C12orf42: variants seen among roughly 807,000 people sequenced by gnomAD.
The protein encoded by C12orf42 is chromosome 12 open reading frame 42.
Under a neutral mutation model 21.6 loss-of-function variants are expected in C12orf42, and 25 were observed. The ratio of observed to expected loss-of-function variants is 1.16; its 90% CI spans 0.84 to 1.62. The LOEUF (loss-of-function observed/expected upper bound fraction) is 1.62, where lower values mean the gene tolerates loss of function less well. Ranked by LOEUF, C12orf42 falls within the 40% of genes most tolerant of loss-of-function variation. C12orf42 has a pLI of 0.00. For missense variants in C12orf42, 483 were observed against 459.3 expected, an observed-to-expected ratio of 1.05 and a Z score of -0.47; for synonymous variants, 174 against 175.0, an observed-to-expected ratio of 0.99 and a Z score of 0.05.
intron 4 of C12orf42, among the ~76,000 whole-genome samples, chr12:103,310,925 T>C (rs1181440047): frequency 3.3e-5 from 5 of 152,208 alleles, no homozygotes; most frequent in African/African-American, 7.2e-5. Context: ...ACCAATAGCA[T>C]TCTATCTGCC....
At chr12:103,456,012 C>T (rs1423633620) in intron 2 of C12orf42, among the ~76,000 whole-genome samples, 6 of 152,092 alleles carry the variant, frequency 3.9e-5, no homozygotes, top group African/African-American at 1.4e-4. Context: ...ACATAGGCAG[C>T]AGGGAACAAT....
intron 2 of C12orf42, among the ~76,000 whole-genome samples, chr12:103,445,296 TTG>T (rs1384943068): frequency 6.6e-6 from 1 of 152,102 alleles, no homozygotes; most frequent in African/African-American, 2.4e-5. Flanking sequence ...TTTGTCTGTG[TTG>T]ATTGTTGTGG....
At chr12:103,448,601 G>A (rs538641397) in intron 2 of C12orf42, among the ~76,000 whole-genome samples, 5 of 151,194 alleles carry the variant, frequency 3.3e-5, no homozygotes, top group South Asian at 2.1e-4. Flanking sequence ...AAGAAAACAC[G>A]ATCTCATCAA....
At chr12:103,546,463 G>A in the C12orf42 span, among the ~76,000 whole-genome samples, 1 of 152,014 alleles carries the variant, frequency 6.6e-6, no homozygotes, top group Non-Finnish European at 1.5e-5. Flanking sequence ...GTGTAATTTG[G>A]TTGCTTAGAT....
intron 2 of C12orf42, among the ~76,000 whole-genome samples, chr12:103,418,954 T>C (rs111399369): frequency 0.012 from 1,895 of 152,120 alleles, 35 homozygotes; most frequent in African/African-American, 0.044. Context: ...GGAAAAAGAA[T>C]TAAACAGATG....
At chr12:103,069,097 A>G in the C12orf42 span, among the ~76,000 whole-genome samples, 1 of 150,218 alleles carries the variant, frequency 6.7e-6, no homozygotes, top group Non-Finnish European at 1.5e-5. Context: ...GATATTTTCT[A>G]CTGACCTAAT....
intron 4 of C12orf42, among the ~76,000 whole-genome samples, chr12:103,336,610 TA>T (rs1249946698): frequency 6.6e-6 from 1 of 152,240 alleles, no homozygotes; most frequent in East Asian, 1.9e-4. Flanking sequence ...GAATATATCC[TA>T]AAAGCATCAA....
chr12:103,361,535 G>C (rs2044107505), intron 4 of C12orf42, among the ~76,000 whole-genome samples: 3 of 152,098 alleles, frequency 2.0e-5, no homozygotes, highest in Admixed American at 2.0e-4. Flanking sequence ...CCAGAACTCA[G>C]AGGAGGGGAA....
the C12orf42 span, among the ~76,000 whole-genome samples, chr12:103,193,073 A>G: frequency 3.3e-5 from 5 of 152,238 alleles, no homozygotes; most frequent in African/African-American, 1.2e-4. Context: ...ATAAAACTAA[A>G]TATGAATAAA....
chr12:103,439,659 G>T (rs1453857622), intron 2 of C12orf42, among the ~76,000 whole-genome samples: 1 of 151,442 alleles, frequency 6.6e-6, no homozygotes, highest in Non-Finnish European at 1.5e-5. Flanking sequence ...ATGAAAAAAT[G>T]CTCATCATCA....
intron 4 of C12orf42, among the ~76,000 whole-genome samples, chr12:103,333,034 G>A (rs1053254095): frequency 6.6e-6 from 1 of 152,098 alleles, no homozygotes; most frequent in Admixed American, 6.6e-5. Flanking sequence ...GATTATGCTT[G>A]TCCCATCAGG....
At chr12:103,386,209 G>T (rs926457825) in intron 3 of C12orf42, among the ~76,000 whole-genome samples, 1 of 152,136 alleles carries the variant, frequency 6.6e-6, no homozygotes, top group Non-Finnish European at 1.5e-5. Context: ...TGATCCTAGG[G>T]TCTGTCTGCA....
chr12:103,416,376 G>A (rs2049335196), intron 2 of C12orf42, among the ~76,000 whole-genome samples: 1 of 152,010 alleles, frequency 6.6e-6, no homozygotes, highest in Non-Finnish European at 1.5e-5. Flanking sequence ...GCACTGGGCA[G>A]AGCTCAACAT....
chr12:103,553,154 C>T, the C12orf42 span, among the ~76,000 whole-genome samples: 1 of 152,108 alleles, frequency 6.6e-6, no homozygotes, highest in East Asian at 1.9e-4. Flanking sequence ...ACATTTGTAG[C>T]CTCCATCCAC....
chr12:103,510,540 A>T, the C12orf42 span, among the ~76,000 whole-genome samples: 5 of 152,282 alleles, frequency 3.3e-5, no homozygotes, highest in Non-Finnish European at 5.9e-5. Context: ...TAAAAAAAAT[A>T]AAGAAGATGA....
At chr12:103,286,273 TAAATAAATAAATAAATAAATAAAGTAA>T (rs1322342750) in intron 4 of C12orf42, among the ~76,000 whole-genome samples, 7 of 149,682 alleles carry the variant, frequency 4.7e-5, no homozygotes, top group African/African-American at 1.7e-4. Flanking sequence ...AATAAATAAA[TAAATAAATAAATAAATAAATAAAGTAA>T]AAATAAATAA....
At chr12:103,530,116 A>G in the C12orf42 span, among the ~76,000 whole-genome samples, 3 of 152,348 alleles carry the variant, frequency 2.0e-5, no homozygotes, top group South Asian at 4.1e-4. Context: ...TGCTGAAAAT[A>G]ATAAGGCCCA....
chr12:103,090,722 A>C, the C12orf42 span, among the ~76,000 whole-genome samples: 1 of 152,082 alleles, frequency 6.6e-6, no homozygotes, highest in African/African-American at 2.4e-5. Flanking sequence ...AGATACCTAC[A>C]TTTCAACCGG....
At chr12:103,554,203 T>G in the C12orf42 span, among the ~76,000 whole-genome samples, 3 of 152,058 alleles carry the variant, frequency 2.0e-5, no homozygotes, top group Non-Finnish European at 4.4e-5. Flanking sequence ...AAAAACTATG[T>G]TAACAAAATC....
Sources: allele counts gnomAD v4.1 joint callset (sites outside exome capture counted in the v4.1 genomes callset), GRCh38; gene constraint gnomAD v4.1.1; transcripts MANE v1.5; gene names NCBI Gene and HGNC (gene_info 2026-07-23, HGNC 2026-07-21).